Variants in CAPN5 observed in about 807,000 individuals in gnomAD.
The protein encoded by CAPN5 is calpain-5.
CAPN5 carries 54 observed loss-of-function variants against 73.0 expected under a neutral mutation model. The observed-to-expected ratio is 0.74, with a 90% CI of 0.59 to 0.93. The LOEUF (loss-of-function observed/expected upper bound fraction) is 0.93, where lower values mean the gene tolerates loss of function less well. Among genes scored for constraint, CAPN5 ranks in the 40% least tolerant of loss-of-function variants. The pLI is 0.00. For missense variants in CAPN5, 785 were observed against 882.9 expected (o/e 0.89, Z 1.41); for synonymous variants, 335 against 356.9 (o/e 0.94, Z 0.69).
chr11:77,118,728 C>G (rs1225521126), intron 8 of CAPN5, among the ~76,000 whole-genome samples: 1 of 152,258 alleles, frequency 6.6e-6, no homozygotes, highest in African/African-American at 2.4e-5. Flanking sequence ...GGCCTCTCCC[C>G]ACAGCCTCCT....
chr11:77,108,200 C>T (rs1555040198), intron 3 of CAPN5, among the ~76,000 whole-genome samples: 3 of 152,206 alleles, frequency 2.0e-5, no homozygotes, highest in African/African-American at 7.2e-5. Flanking sequence ...TGGGCCAGGC[C>T]CTGTGCTGGG....
chr11:77,080,209 T>C (rs1419805881), intron 1 of CAPN5, among the ~76,000 whole-genome samples: 1 of 152,254 alleles, frequency 6.6e-6, no homozygotes, highest in Non-Finnish European at 1.5e-5. Context: ...CACTGTTCTA[T>C]AAGACAGTGC....
chr11:77,096,239 C>G (rs1274707050), intron 3 of CAPN5, among the ~76,000 whole-genome samples: 1 of 152,090 alleles, frequency 6.6e-6, no homozygotes, highest in Non-Finnish European at 1.5e-5. Context: ...ACATCCTCGA[C>G]ACACACGCCC....
intron 7 of CAPN5, among the ~76,000 whole-genome samples, chr11:77,117,270 G>T (rs548289253): frequency 6.6e-6 from 1 of 152,256 alleles, no homozygotes; most frequent in Non-Finnish European, 1.5e-5. Context: ...AGTAATAAAA[G>T]TTCATCCTGC....
rs1367484291 is a variant in CAPN5, at chr11:77,066,976, C to T, written c.-154C>T. On this transcript the variant is annotated 5_prime_UTR_variant, in exon 1 of 13. Transcript: ENST00000648180. ...GCCAGCCCCCGCCGCAGGCCAGTCC[C>T]AGCTGGATCTCCGGCCAGAGCCCGA... 6.6e-6 allele frequency: 1 copy of T among 152,038 alleles called. No homozygotes were observed. Among genetic ancestry groups the T allele is most frequent in the Non-Finnish European group, 1.5e-5 (1 of 68,002 alleles). The allele number at this position is 152,038 out of a possible 1,614,324, so 9.4% of individuals were successfully genotyped here.
At chr11:77,106,218 C>T (rs1017727494) in intron 3 of CAPN5, among the ~76,000 whole-genome samples, 11 of 152,054 alleles carry the variant, frequency 7.2e-5, no homozygotes, top group African/African-American at 2.7e-4. Context: ...TTCCCTTTCA[C>T]ACACCCCTCA....
intron 2 of CAPN5, among the ~76,000 whole-genome samples, chr11:77,088,421 C>G (rs1950113776): frequency 1.3e-5 from 2 of 152,154 alleles, no homozygotes. Context: ...GGAATGACCC[C>G]CTTCTGGGCA....
intron 3 of CAPN5, chr11:77,103,425 G>A (rs2233551): frequency 0.077 from 112,547 of 1,453,456 alleles, 5,753 homozygotes; most frequent in East Asian, 0.26. Context: ...CATTATTCTC[G>A]CTGCTCAGCC....
chr11:77,071,743 G>C, intron 1 of CAPN5: 1 of 419,140 alleles, frequency 2.4e-6, no homozygotes, highest in South Asian at 1.6e-5. Flanking sequence ...CCTCTGCCTG[G>C]GTATGGGGAG....
At chr11:77,112,976 G>T (rs1169775696) in intron 4 of CAPN5, 179 bp downstream of exon 4, 16 of 640,252 alleles carry the variant, frequency 2.5e-5, no homozygotes, top group Non-Finnish European at 2.5e-5. Flanking sequence ...TGTGCTGGGT[G>T]GGGTGGAGGC....
intron 1 of CAPN5, chr11:77,071,502 G>A (rs781009116): frequency 7.8e-6 from 3 of 385,774 alleles, no homozygotes; most frequent in Middle Eastern, 4.1e-4. Context: ...GGGGAGTCCC[G>A]CTTTACAGGT....
chr11:77,112,975 T>C, intron 4 of CAPN5, 178 bp downstream of exon 4: 1 of 642,782 alleles, frequency 1.6e-6, no homozygotes, highest in Non-Finnish European at 2.7e-6. Flanking sequence ...CTGTGCTGGG[T>C]GGGGTGGAGG....
At chr11:77,085,206 G>A (rs910500264) in intron 2 of CAPN5, among the ~76,000 whole-genome samples, 155 bp downstream of exon 2, 1 of 152,196 alleles carries the variant, frequency 6.6e-6, no homozygotes, top group South Asian at 2.1e-4. Flanking sequence ...TGATCCGGAT[G>A]GGGAGCTTGG....
intron 3 of CAPN5, among the ~76,000 whole-genome samples, chr11:77,109,642 C>T (rs1330100159): frequency 3.9e-5 from 6 of 152,192 alleles, no homozygotes; most frequent in East Asian, 1.9e-4. Context: ...TTTTGGTGTG[C>T]GAGCGCATCT....
At chr11:77,098,442 AGGG>A (rs1248654667) in intron 3 of CAPN5, among the ~76,000 whole-genome samples, 4 of 93,386 alleles carry the variant, frequency 4.3e-5, no homozygotes, top group Non-Finnish European at 8.5e-5. Context: ...ACTTCCCAGT[AGGG>A]GCGGCCGGGC....
intron 1 of CAPN5, chr11:77,072,842 G>A (rs888880921): frequency 1.5e-4 from 47 of 303,758 alleles, no homozygotes; most frequent in Admixed American, 8.7e-4. Flanking sequence ...TGATAAACCC[G>A]CCAGATTGAA....
chr11:77,091,549 C>A (rs1555036532), intron 2 of CAPN5, among the ~76,000 whole-genome samples: 1 of 152,184 alleles, frequency 6.6e-6, no homozygotes, highest in Non-Finnish European at 1.5e-5. Flanking sequence ...GTGGTGTCAG[C>A]AGGATGCCTG....
intron 1 of CAPN5, among the ~76,000 whole-genome samples, chr11:77,071,151 C>T (rs888490805): frequency 6.6e-6 from 1 of 152,190 alleles, no homozygotes; most frequent in Non-Finnish European, 1.5e-5. Flanking sequence ...CCAGTGCCCA[C>T]CGAGGCTGGC....
chr11:77,107,531 C>G (rs1555040126), intron 3 of CAPN5, among the ~76,000 whole-genome samples: 2 of 152,160 alleles, frequency 1.3e-5, no homozygotes, highest in Admixed American at 6.5e-5. Context: ...TGTCGCACAG[C>G]TGGGCAGAGA....
Sources: allele counts gnomAD v4.1 joint callset (sites outside exome capture counted in the v4.1 genomes callset), GRCh38; gene constraint gnomAD v4.1.1; transcripts MANE v1.5; gene names NCBI Gene and HGNC (gene_info 2026-07-23, HGNC 2026-07-21).